ZFAND6: variants seen among roughly 807,000 people sequenced by gnomAD.
ZFAND6 encodes zinc finger AN1-type containing 6.
A neutral mutation model predicts 24.5 loss-of-function variants in ZFAND6; 12 were observed. The observed-to-expected ratio is 0.49, with a 90% confidence interval of 0.31 to 0.79. ZFAND6 has a LOEUF of 0.79. ZFAND6 is among the 30% of genes least tolerant of loss of function. The pLI, the probability that ZFAND6 is intolerant of heterozygous loss-of-function variation, is 0.04. For synonymous variants in ZFAND6, 92 were observed against 81.5 expected (o/e 1.13, Z -0.69); for missense variants, 207 against 245.9 (o/e 0.84, Z 1.06).
intron 1 of ZFAND6, among the ~76,000 whole-genome samples, chr15:80,069,491 C>T (rs2036850870): frequency 6.6e-6 from 1 of 152,012 alleles, no homozygotes; most frequent in Non-Finnish European, 1.5e-5. Context: ...CCTCATATGC[C>T]ATTCATTCAA....
chr15:80,124,500 T>G (rs2040290503), intron 5 of ZFAND6, among the ~76,000 whole-genome samples: 2 of 152,196 alleles, frequency 1.3e-5, no homozygotes, highest in Admixed American at 1.3e-4. Context: ...ACAATAGTAT[T>G]TACAGAAGTT....
chr15:80,104,005 C>T (rs2039176054), intron 2 of ZFAND6, among the ~76,000 whole-genome samples: 2 of 152,176 alleles, frequency 1.3e-5, no homozygotes, highest in South Asian at 2.1e-4. Flanking sequence ...TGCACCACCA[C>T]ACCCAGATAA....
intron 1 of ZFAND6, among the ~76,000 whole-genome samples, chr15:80,091,410 T>A (rs1006889721): frequency 6.6e-6 from 1 of 152,236 alleles, no homozygotes; most frequent in African/African-American, 2.4e-5. Flanking sequence ...TTTCTCAGAA[T>A]AATCAAATGT....
intron 1 of ZFAND6, among the ~76,000 whole-genome samples, chr15:80,096,849 G>T (rs1440944449): frequency 1.3e-5 from 2 of 152,102 alleles, no homozygotes; most frequent in Non-Finnish European, 2.9e-5. Flanking sequence ...TTTAATTGAA[G>T]TGTACATATT....
intron 1 of ZFAND6, among the ~76,000 whole-genome samples, chr15:80,080,978 G>A (rs981146874): frequency 5.3e-5 from 8 of 152,144 alleles, no homozygotes; most frequent in Admixed American, 3.3e-4. Flanking sequence ...CCCCACCTCC[G>A]ATACTGGGGA....
chr15:80,121,292 A>C (rs2040135026), intron 3 of ZFAND6, among the ~76,000 whole-genome samples: 1 of 152,182 alleles, frequency 6.6e-6, no homozygotes, highest in African/African-American at 2.4e-5. Context: ...AATGAGTATA[A>C]ATTGTTTTAA....
At chr15:80,130,155 A>G (rs566028084) in intron 5 of ZFAND6, 1 of 152,364 alleles carries the variant, frequency 6.6e-6, no homozygotes, top group East Asian at 1.9e-4. Flanking sequence ...CATGGATTGT[A>G]GAGGGAACTC....
chr15:80,084,968 G>T (rs1319683647), intron 1 of ZFAND6, among the ~76,000 whole-genome samples: 2 of 152,092 alleles, frequency 1.3e-5, no homozygotes, highest in Non-Finnish European at 2.9e-5. Flanking sequence ...CATTCCTTTT[G>T]CTCTAGAGCT....
intron 6 of ZFAND6, among the ~76,000 whole-genome samples, chr15:80,131,679 T>C (rs530710756): frequency 4.2e-4 from 64 of 152,336 alleles, no homozygotes; most frequent in African/African-American, 1.1e-3. Context: ...TTCAGTGAGT[T>C]AAGACATGTA....
At chr15:80,071,558 A>G (rs1262361985) in intron 1 of ZFAND6, among the ~76,000 whole-genome samples, 1 of 152,166 alleles carries the variant, frequency 6.6e-6, no homozygotes, top group Non-Finnish European at 1.5e-5. Flanking sequence ...AAACTTAGTA[A>G]TGTATAAAGT....
intron 5 of ZFAND6, among the ~76,000 whole-genome samples, chr15:80,126,250 C>T (rs1401581199): frequency 1.3e-5 from 2 of 152,188 alleles, no homozygotes; most frequent in Non-Finnish European, 2.9e-5. Flanking sequence ...GGGACAGTCT[C>T]TTTGGACTGA....
At chr15:80,111,556 C>T in intron 2 of ZFAND6, 1 of 455,822 alleles carries the variant, frequency 2.2e-6, no homozygotes, top group Non-Finnish European at 4.4e-6. Flanking sequence ...ACAGTGGCCT[C>T]TTGGTGAGAT....
chr15:80,112,950 G>A, intron 2 of ZFAND6: 2 of 441,186 alleles, frequency 4.5e-6, no homozygotes, highest in South Asian at 3.2e-5. Context: ...CAATTGCAAA[G>A]AGAATTCACC....
intron 2 of ZFAND6, among the ~76,000 whole-genome samples, chr15:80,102,329 G>A (rs1038798847): frequency 1.3e-5 from 2 of 151,322 alleles, no homozygotes; most frequent in African/African-American, 2.4e-5. Context: ...GGCTGGTCTC[G>A]AACTCCTGAC....
intron 1 of ZFAND6, chr15:80,060,498 T>C (rs2141759396): frequency 6.6e-6 from 1 of 152,340 alleles, no homozygotes; most frequent in Admixed American, 6.5e-5. Flanking sequence ...TTAAGTCACG[T>C]GCTAACTATC....
intron 5 of ZFAND6, among the ~76,000 whole-genome samples, chr15:80,123,422 A>AT (rs2142023028): frequency 6.6e-6 from 1 of 152,314 alleles, no homozygotes; most frequent in East Asian, 1.9e-4. Context: ...TCTCTGCTTA[A>AT]TTAGTTGTAT....
intron 2 of ZFAND6, among the ~76,000 whole-genome samples, chr15:80,118,055 T>C (rs1377109300): frequency 6.6e-6 from 1 of 151,944 alleles, no homozygotes; most frequent in Non-Finnish European, 1.5e-5. Flanking sequence ...TATATACATA[T>C]ATGTATACAT....
intron 1 of ZFAND6, among the ~76,000 whole-genome samples, chr15:80,096,843 A>T (rs1218610747): frequency 2.0e-5 from 3 of 152,138 alleles, no homozygotes; most frequent in African/African-American, 4.8e-5. Flanking sequence ...GGATGTTTTA[A>T]TTGAAGTGTA....
At chr15:80,096,898 G>GGTGA (rs1567071112) in intron 1 of ZFAND6, among the ~76,000 whole-genome samples, 1 of 152,028 alleles carries the variant, frequency 6.6e-6, no homozygotes, top group Admixed American at 6.6e-5. Flanking sequence ...AAAAAATGCA[G>GGTGA]GTGAATAGGA....
Sources: allele counts gnomAD v4.1 joint callset (sites outside exome capture counted in the v4.1 genomes callset), GRCh38; gene constraint gnomAD v4.1.1; transcripts MANE v1.5; gene names NCBI Gene and HGNC (gene_info 2026-07-23, HGNC 2026-07-21).